PIK3C2G: variants seen among roughly 807,000 people sequenced by gnomAD.
The protein encoded by PIK3C2G is phosphatidylinositol 3-kinase C2 domain-containing subunit gamma.
In PIK3C2G, 168 loss-of-function variants were observed where a neutral mutation model predicts 181.1. That is an observed-to-expected ratio of 0.93 (90% CI 0.82 to 1.05). The LOEUF (loss-of-function observed/expected upper bound fraction) is 1.05, where lower values mean the gene tolerates loss of function less well. Among genes scored for constraint, PIK3C2G ranks in the 50% least tolerant of loss-of-function variants. The pLI is 0.00. For synonymous variants in PIK3C2G, 573 were observed against 592.2 expected (o/e 0.97, Z 0.47); for missense variants, 1,869 against 1,732.8 (o/e 1.08, Z -1.40).
chr12:18,530,590 C>T (rs1260743375), intron 24 of PIK3C2G, among the ~76,000 whole-genome samples: 1 of 152,100 alleles, frequency 6.6e-6, no homozygotes, highest in Non-Finnish European at 1.5e-5. Flanking sequence ...CAACAATGAC[C>T]TGATATGGCT....
At chr12:18,405,127 G>A (rs1439336158) in intron 16 of PIK3C2G, among the ~76,000 whole-genome samples, 1 of 152,134 alleles carries the variant, frequency 6.6e-6, no homozygotes, top group African/African-American at 2.4e-5. Flanking sequence ...GCAAATTTAC[G>A]TAGTGAACGT....
intron 26 of PIK3C2G, among the ~76,000 whole-genome samples, chr12:18,559,809 TATATATATATATAGAG>T (rs1349699369): frequency 3.5e-4 from 13 of 37,410 alleles, no homozygotes; most frequent in South Asian, 1.1e-3. Context: ...TATATATATA[TATATATATATATAGAG>T]AGAGAGAGAG....
chr12:18,495,778 A>T (rs1940952718), intron 20 of PIK3C2G, among the ~76,000 whole-genome samples: 1 of 152,154 alleles, frequency 6.6e-6, no homozygotes, highest in Non-Finnish European at 1.5e-5. Context: ...TTTAAACCTC[A>T]AACATATCAC....
chr12:18,721,755 C>A, the PIK3C2G span, among the ~76,000 whole-genome samples: 1 of 151,294 alleles, frequency 6.6e-6, no homozygotes, highest in Non-Finnish European at 1.5e-5. Context: ...ATCAGTTCTG[C>A]TTAGTGATAT....
intron 28 of PIK3C2G, 111 bp downstream of exon 28, chr12:18,563,609 C>A: frequency 3.2e-6 from 3 of 935,038 alleles, no homozygotes; most frequent in South Asian, 1.7e-5. Context: ...ATTCTGACTC[C>A]AATGCCATTG....
chr12:18,721,273 G>A, the PIK3C2G span, among the ~76,000 whole-genome samples: 26 of 151,960 alleles, frequency 1.7e-4, no homozygotes, highest in African/African-American at 5.6e-4. Context: ...ACCTCATTTG[G>A]TGCCTGTCAC....
intron 5 of PIK3C2G, among the ~76,000 whole-genome samples, chr12:18,296,770 T>A (rs1188922991): frequency 6.6e-6 from 1 of 152,062 alleles, no homozygotes; most frequent in Non-Finnish European, 1.5e-5. Flanking sequence ...TCACTCTCCC[T>A]GTCTGATTTT....
chr12:18,371,317 T>C lies in PIK3C2G; in HGVS notation c.1880+6T>C. On this transcript the variant is annotated splice_donor_region_variant and intron_variant, in intron 13 of 32. Coordinates refer to ENST00000538779, the MANE Select transcript of PIK3C2G (RefSeq NM_001288772.2). The stretch of plus-strand genomic sequence containing the variant: ...CTTCCACTGTTTCCAAAAGAGTAAG[T>C]GTATCAATTGTGAGTAATAAGCCTA... 3 of 1,601,384 alleles carry C rather than the reference T, an allele frequency of 1.9e-6. No homozygotes were observed. Among genetic ancestry groups the C allele is most frequent in the Non-Finnish European group, 2.6e-6 (3 of 1,174,438 alleles).
chr12:18,521,854 G>A (rs1228028117), intron 24 of PIK3C2G, among the ~76,000 whole-genome samples: 1 of 152,254 alleles, frequency 6.6e-6, no homozygotes, highest in East Asian at 1.9e-4. Flanking sequence ...GAGAATCTGT[G>A]CGGCTCCATG....
At chr12:18,505,557 C>T in intron 24 of PIK3C2G, 96 bp downstream of exon 24, 1 of 762,016 alleles carries the variant, frequency 1.3e-6, no homozygotes, top group Non-Finnish European at 1.9e-6. Flanking sequence ...GACTTGCTCC[C>T]ATCTCTCAAA....
At chr12:18,682,697 C>T in the PIK3C2G span, among the ~76,000 whole-genome samples, 2 of 151,908 alleles carry the variant, frequency 1.3e-5, no homozygotes, top group South Asian at 2.1e-4. Context: ...TATACACACT[C>T]GTAAAAATGG....
intron 9 of PIK3C2G, among the ~76,000 whole-genome samples, chr12:18,342,059 G>A (rs918859688): frequency 2.0e-5 from 3 of 152,050 alleles, no homozygotes; most frequent in Admixed American, 6.6e-5. Context: ...CATAATAGGC[G>A]AACCACGAAG....
intron 11 of PIK3C2G, among the ~76,000 whole-genome samples, chr12:18,356,643 G>A (rs927929957): frequency 6.6e-6 from 1 of 152,086 alleles, no homozygotes; most frequent in Non-Finnish European, 1.5e-5. Flanking sequence ...GGATTTCACT[G>A]CCAATGAAAG....
At chr12:18,650,360 T>A (rs1306538285), downstream of PIK3C2G, among the ~76,000 whole-genome samples, 2 of 138,822 alleles carry the variant, frequency 1.4e-5, no homozygotes, top group Non-Finnish European at 3.1e-5. Flanking sequence ...TGTGTGTGTG[T>A]GTGTGTGTGT....
intron 30 of PIK3C2G, among the ~76,000 whole-genome samples, chr12:18,604,253 C>T (rs1333266465): frequency 6.6e-6 from 1 of 152,096 alleles, no homozygotes; most frequent in Non-Finnish European, 1.5e-5. Context: ...ATTCTTATAT[C>T]AGACAAAACA....
chr12:18,255,424 C>T (rs543839421), intron 1 of PIK3C2G, among the ~76,000 whole-genome samples: 76 of 152,138 alleles, frequency 5.0e-4, no homozygotes, highest in African/African-American at 1.8e-3. Context: ...CAAAATGCAG[C>T]CGTGTAAACA....
At position 18,595,068 on chromosome 12, in the gene PIK3C2G, A is replaced by G. The variant is rs142302010; in HGVS notation, c.4087+499A>G. ...AAAAGATTTGATTCTCAATACATTT[A>G]GATTATCGGCTACATATTAAATATA... On this transcript the variant is annotated intron_variant, in intron 30 of 32. Transcript: ENST00000538779. 6.3e-4 allele frequency among the ~76,000 whole-genome samples: 96 copies of G among 152,196 alleles called. 1 individual carries two copies. Among genetic ancestry groups the G allele is most frequent in the Admixed American group, 2.0e-3 (31 of 15,264 alleles).
intron 26 of PIK3C2G, among the ~76,000 whole-genome samples, chr12:18,561,978 A>G (rs1945367521): frequency 6.6e-6 from 1 of 151,796 alleles, no homozygotes; most frequent in South Asian, 2.1e-4. Flanking sequence ...CTGTTTACAT[A>G]TAAGGAAAGG....
At chr12:18,487,185 A>G (rs1041000184) in intron 18 of PIK3C2G, among the ~76,000 whole-genome samples, 1 of 150,944 alleles carries the variant, frequency 6.6e-6, no homozygotes, top group African/African-American at 2.4e-5. Flanking sequence ...CAAAATTTGT[A>G]TTTCCTTTGA....
Sources: gnomAD v4.1 joint callset for allele counts (sites outside exome capture counted in the v4.1 genomes callset) on GRCh38, gnomAD v4.1.1 for gene constraint, MANE v1.5 for transcripts, NCBI Gene and HGNC (gene_info 2026-07-23, HGNC 2026-07-21) for gene names.